Variants in GPR89B observed in about 807,000 individuals in gnomAD.
GPR89B encodes the protein golgi pH regulator B, also known as G protein-coupled receptor 89B.
GPR89B carries 25 observed loss-of-function variants against 52.4 expected under a neutral mutation model. That is an observed-to-expected ratio of 0.48 (90% CI 0.35 to 0.67). The LOEUF (loss-of-function observed/expected upper bound fraction) is 0.67, where lower values mean the gene tolerates loss of function less well. Among genes scored for constraint, GPR89B ranks in the 30% least tolerant of loss-of-function variants. The pLI is 0.01. For missense variants in GPR89B, 146 were observed against 450.2 expected, an observed-to-expected ratio of 0.32 and a Z score of 6.11; for synonymous variants, 52 against 151.2, an observed-to-expected ratio of 0.34 and a Z score of 4.81.
intron 10 of GPR89B, among the ~76,000 whole-genome samples, chr1:147,977,590 G>C (rs1450543120): frequency 6.6e-6 from 1 of 151,558 alleles, no homozygotes; most frequent in African/African-American, 2.4e-5. Context: ...AACTTGAAAC[G>C]GTTCCGTTCT....
intron 10 of GPR89B, among the ~76,000 whole-genome samples, chr1:147,984,330 TAATAA>T (rs1343127987): frequency 2.4e-3 from 357 of 150,292 alleles, no homozygotes; most frequent in Non-Finnish European, 3.7e-3. Context: ...AGTATAATAA[TAATAA>T]AATAAAATAA....
Position 147,986,241 on chromosome 1 carries a change from C to T in GPR89B, c.952C>T (p.Pro318Ser), listed in dbSNP as rs1180586706. 5 of 1,611,334 alleles carry T rather than the reference C, an allele frequency of 3.1e-6. No homozygotes were observed. The highest frequency in any genetic ancestry group is 4.2e-6 in the Non-Finnish European group (5 of 1,179,522). ...TTTTGATCGAGTTGGGAAAACGGAT[C>T]CTGTCACAAGAGGCATTGAGATCAC... Reference protein sequence around the residue: ...IVFDRVGKTDPVTRGIEITVN... With the variant: ...IVFDRVGKTDSVTRGIEITVN... The change falls in exon 11 of 14, where the codon CCT becomes TCT. Residue 318 changes from proline (P) to serine (S), a missense_variant. Transcript: ENST00000314163.
intron 5 of GPR89B, among the ~76,000 whole-genome samples, chr1:147,951,321 C>T (rs1356747185): frequency 6.6e-6 from 1 of 151,914 alleles, no homozygotes; most frequent in Non-Finnish European, 1.5e-5. Flanking sequence ...ATAGCAGGTG[C>T]TTGGTGAATA....
chr1:147,964,543 G>GT (rs1656892618), intron 7 of GPR89B, among the ~76,000 whole-genome samples: 2 of 151,562 alleles, frequency 1.3e-5, no homozygotes, highest in South Asian at 2.1e-4. Flanking sequence ...TGGTTGGGTG[G>GT]TTTTTTCATT....
At chr1:147,934,541 G>A (rs1653922326) in intron 1 of GPR89B, among the ~76,000 whole-genome samples, 1 of 152,130 alleles carries the variant, frequency 6.6e-6, no homozygotes, top group African/African-American at 2.4e-5. Context: ...ACTGTGTGAT[G>A]AATACCTTGA....
Position 147,969,444 on chromosome 1 carries a change from T to C in GPR89B, c.817-423T>C, listed in dbSNP as rs1657263161. ...AATGTGCAAAATCTGTTAGTGAAGA[T>C]TGCAAACTTTTAATTCTTTTTGAGG... On this transcript the variant is annotated intron_variant, in intron 9 of 13. Coordinates refer to ENST00000314163, the MANE Select transcript of GPR89B (RefSeq NM_016334.5). The C allele has an allele frequency of 1.5e-5, 3 of 202,076 alleles. No individual in the cohort carries two copies. The South Asian group carries it at 2.7e-4, about 18-fold the overall frequency. The allele number at this position is 202,076 out of a possible 1,614,324, so 12.5% of individuals were successfully genotyped here.
At chr1:147,933,895 C>T (rs1445923302) in intron 1 of GPR89B, among the ~76,000 whole-genome samples, 2 of 152,200 alleles carry the variant, frequency 1.3e-5, no homozygotes, top group African/African-American at 4.8e-5. Context: ...CAGACCATGC[C>T]ATTTCCCTGC....
At chr1:147,962,028 G>A (rs1178311620) in intron 7 of GPR89B, among the ~76,000 whole-genome samples, 3 of 151,870 alleles carry the variant, frequency 2.0e-5, no homozygotes, top group African/African-American at 4.9e-5. Context: ...CAGTATGAGA[G>A]GAATTCCTCT....
intron 10 of GPR89B, 46 bp from the exon 11 acceptor site, chr1:147,986,153 A>G: frequency 6.2e-7 from 1 of 1,609,800 alleles, no homozygotes; most frequent in East Asian, 2.2e-5. Flanking sequence ...TTGAAATAGT[A>G]AGTGATTGTT....
At chr1:147,985,701 C>G (rs1469719465) in intron 10 of GPR89B, among the ~76,000 whole-genome samples, 2 of 152,048 alleles carry the variant, frequency 1.3e-5, no homozygotes, top group African/African-American at 4.8e-5. Flanking sequence ...TTGGTCCCAT[C>G]TGTTCTTTTC....
At chr1:148,015,489 A>C in the GPR89B span, among the ~76,000 whole-genome samples, 1 of 145,668 alleles carries the variant, frequency 6.9e-6, no homozygotes, top group Non-Finnish European at 1.5e-5. Context: ...TAATTTTTGT[A>C]TTTATAGTAG....
chr1:148,004,455 G>A, the GPR89B span, among the ~76,000 whole-genome samples: 21 of 144,342 alleles, frequency 1.5e-4, no homozygotes, highest in Admixed American at 4.2e-4. Context: ...GTGAGCCACC[G>A]CGCCCGGCCC....
At chr1:147,995,965 A>G (rs1418568771), downstream of GPR89B, 17 of 1,355,936 alleles carry the variant, frequency 1.3e-5, no homozygotes, top group South Asian at 3.6e-5. Context: ...AGGATAGATG[A>G]GGAGCTCAAG....
chr1:148,020,841 C>T, the GPR89B span, among the ~76,000 whole-genome samples: 1 of 151,758 alleles, frequency 6.6e-6, no homozygotes, highest in African/African-American at 2.4e-5. Flanking sequence ...GCACGTGTCA[C>T]CATTTCCTGC....
chr1:148,019,298 G>A, the GPR89B span, among the ~76,000 whole-genome samples: 1 of 151,322 alleles, frequency 6.6e-6, no homozygotes, highest in South Asian at 2.1e-4. Context: ...ATTATCTTTA[G>A]CAAGCTAACA....
chr1:147,935,231 C>T (rs1383370253), intron 1 of GPR89B, among the ~76,000 whole-genome samples: 22 of 151,998 alleles, frequency 1.4e-4, no homozygotes, highest in Admixed American at 1.3e-4. Flanking sequence ...GACATCTACA[C>T]AGGTCTCGAT....
chr1:147,950,673 G>A (rs1475175498), intron 5 of GPR89B, among the ~76,000 whole-genome samples: 1 of 152,232 alleles, frequency 6.6e-6, no homozygotes, highest in Admixed American at 6.5e-5. Flanking sequence ...GACTCCGTCT[G>A]CAATCCCGGC....
rs1222890484 is a variant in GPR89B at position 147,933,067 on chromosome 1, TA to T, written c.43-3556del. On this transcript the variant is annotated intron_variant, in intron 1 of 13. Transcript: ENST00000314163. The stretch of plus-strand genomic sequence containing the variant: ...AGCCTGGAGTATAGTAAATGCTCAA[TA>T]AAAGTTACCTAATAATATTAATAAT... Among the ~76,000 whole-genome samples the T allele has an allele frequency of 2.0e-5, 3 of 152,320 alleles. 1 individual carries two copies. In the East Asian group the frequency reaches 5.8e-4, roughly 29 times the overall value.
intron 10 of GPR89B, among the ~76,000 whole-genome samples, chr1:147,982,990 T>G (rs1658386793): frequency 6.6e-6 from 1 of 152,126 alleles, no homozygotes. Flanking sequence ...TTTTGTACAT[T>G]GGCACCGAAC....
Sources: allele counts gnomAD v4.1 joint callset (sites outside exome capture counted in the v4.1 genomes callset), GRCh38; gene constraint gnomAD v4.1.1; transcripts MANE v1.5; gene names NCBI Gene and HGNC (gene_info 2026-07-23, HGNC 2026-07-21).